Variants in BIRC6 observed in about 807,000 individuals in gnomAD.
BIRC6 encodes dual E2 ubiquitin-conjugating enzyme/E3 ubiquitin-protein ligase BIRC6.
In BIRC6, 98 loss-of-function variants were observed where a neutral mutation model predicts 503.3. That is an observed-to-expected ratio of 0.19 (90% CI 0.17 to 0.23). BIRC6 has a LOEUF of 0.23. Ranked by LOEUF, BIRC6 falls within the 10% of genes least tolerant of loss-of-function variation. The pLI is 1.00. For synonymous variants in BIRC6, 2,240 were observed against 2,078.7 expected (o/e 1.08, Z -2.11); for missense variants, 5,360 against 5,806.0 (o/e 0.92, Z 2.50).
chr2:32,596,263 C>T (rs553664662), intron 68 of BIRC6, among the ~76,000 whole-genome samples: 44 of 152,022 alleles, frequency 2.9e-4, no homozygotes, highest in African/African-American at 9.4e-4. Context: ...TGGGCGGTCA[C>T]GAGGTCGGGA....
At chr2:32,451,324 C>G (rs1043014856) in intron 22 of BIRC6, among the ~76,000 whole-genome samples, 3 of 152,046 alleles carry the variant, frequency 2.0e-5, no homozygotes, top group African/African-American at 7.3e-5. Context: ...CCCTGTGATT[C>G]TCAAAGTGTG....
At chr2:32,425,893 G>A (rs1314771310) in intron 10 of BIRC6, among the ~76,000 whole-genome samples, 2 of 152,242 alleles carry the variant, frequency 1.3e-5, no homozygotes, top group Non-Finnish European at 2.9e-5. Context: ...CCAGCCAGCT[G>A]CTTCCAGCAC....
At chr2:32,412,654 GTTA>G (rs1481288218) in intron 9 of BIRC6, among the ~76,000 whole-genome samples, 1 of 151,828 alleles carries the variant, frequency 6.6e-6, no homozygotes. Context: ...TTTCTTCCTA[GTTA>G]TTTTTTTTTT....
rs544288777 is a variant in BIRC6 at position 32,397,616 on chromosome 2, G to GTATATA, written c.1034+2031_1034+2036dup. Among the ~76,000 whole-genome samples, 450 of 137,568 alleles carry GTATATA rather than the reference G, an allele frequency of 3.3e-3. 2 individuals are homozygous for GTATATA. The highest frequency in any genetic ancestry group is 5.3e-3 in the Admixed American group (72 of 13,670). The allele number at this position is 137,568 out of a possible 152,430, so 90.2% of individuals were successfully genotyped here. On this transcript the variant is annotated intron_variant, in intron 6 of 73. Transcript: ENST00000421745. The stretch of plus-strand genomic sequence containing the variant: ...TGTGTGTGTGTGTGTATATATGTGT[G>GTATATA]TATATATATATATGTATATATATAC...
intron 61 of BIRC6, among the ~76,000 whole-genome samples, chr2:32,540,138 A>G (rs1364145614): frequency 6.6e-6 from 1 of 152,064 alleles, no homozygotes; most frequent in East Asian, 1.9e-4. Context: ...AATCAAACAT[A>G]CAGAATTTTT....
chr2:32,402,571 A>G (rs990295714), intron 8 of BIRC6, among the ~76,000 whole-genome samples: 3 of 152,332 alleles, frequency 2.0e-5, no homozygotes, highest in Admixed American at 6.5e-5. Context: ...AAAATTTACA[A>G]TATATGTGTT....
chr2:32,468,545 A>G lies in BIRC6; in HGVS notation c.5889A>G (p.Ala1963=), dbSNP rs2048798305. The G allele has an allele frequency of 6.2e-7, 1 of 1,613,906 alleles. No individual in the cohort carries two copies. Among genetic ancestry groups the G allele is most frequent in the Non-Finnish European group, 8.5e-7 (1 of 1,179,884 alleles). The change falls in exon 29 of 74, where the codon GCA becomes GCG. Residue 1963 remains alanine (A), a synonymous_variant. Coordinates refer to ENST00000421745, the MANE Select transcript of BIRC6 (RefSeq NM_016252.4). ...ACTTTTTACGAAAACCAGATAAGGC[A>G]GTTGAGGAAGACAGTAGGGTTTTTT... The part of the protein sequence containing the change: ...AQYFLRKPDK[A]VEEDSRVFSA...
chr2:32,375,186 G>A (rs1009589702), intron 1 of BIRC6, among the ~76,000 whole-genome samples: 4 of 152,066 alleles, frequency 2.6e-5, no homozygotes, highest in Admixed American at 6.6e-5. Context: ...TTATCTACAC[G>A]GGTAATCATT....
At chr2:32,611,945 G>A (rs1235035198) in intron 73 of BIRC6, among the ~76,000 whole-genome samples, 1 of 152,072 alleles carries the variant, frequency 6.6e-6, no homozygotes, top group East Asian at 1.9e-4. Context: ...GTGGCATCAT[G>A]ACTCTCTGTA....
rs560251664 is a variant in BIRC6, at chr2:32,480,621, C to CTTTTTTTTTT, written c.7409-671_7409-662dup. ...CATAACAGAAAAATAAGGTAAATGG[C>CTTTTTTTTTT]TTTTTTTTTTTTTTTTTTTTTTTTT... On this transcript the variant is annotated intron_variant, in intron 37 of 73. Transcript: ENST00000421745. Among the ~76,000 whole-genome samples the CTTTTTTTTTT allele has an allele frequency of 8.4e-4, 51 of 60,740 alleles. 11 individuals are homozygous for CTTTTTTTTTT. The highest frequency in any genetic ancestry group is 1.2e-3 in the East Asian group (1 of 816). The allele number at this position is 60,740 out of a possible 152,430, so 39.8% of individuals were successfully genotyped here. A position where few individuals can be genotyped will look rare whatever the true frequency, so the allele number is the denominator to read the frequency against.
chr2:32,475,885 T>C (rs1247397950), intron 33 of BIRC6, among the ~76,000 whole-genome samples: 1 of 152,010 alleles, frequency 6.6e-6, no homozygotes, highest in Non-Finnish European at 1.5e-5. Context: ...CAATAAAATA[T>C]TTTTCTCATT....
intron 26 of BIRC6, 40 bp downstream of exon 26, chr2:32,465,204 TGCTTAG>T (rs1558803431): frequency 9.9e-7 from 1 of 1,010,798 alleles, no homozygotes; most frequent in Non-Finnish European, 1.4e-6. Flanking sequence ...TTTTTTTTTT[TGCTTAG>T]TCTGCCGGCC....
In BIRC6 at chr2:32,513,002, G is replaced by C. The variant is rs755688797; in HGVS notation, c.10416G>C (p.Met3472Ile). Reference protein sequence around the residue: ...RVAAMKRSGRMNYMCPNSSTV... With the variant: ...RVAAMKRSGRINYMCPNSSTV... ...CTGCTATGAAGAGAAGTGGCAGGAT[G>C]AACTACATGTGTCCTAACTCCTCAA... The change falls in exon 54 of 74, where the codon ATG becomes ATC. Residue 3472 changes from methionine to isoleucine, a missense_variant. By Grantham distance (10) the Met-to-Ile change is conservative (BLOSUM62 1). Around this residue, in one of 16 missense-constraint regions of BIRC6, gnomAD observed 878 missense variants for 928.9 expected, o/e 0.95. Coordinates refer to ENST00000421745, the MANE Select transcript of BIRC6 (RefSeq NM_016252.4). The C allele has an allele frequency of 5.0e-6, 8 of 1,613,904 alleles. No individual in the cohort carries two copies. Among genetic ancestry groups the C allele is most frequent in the Non-Finnish European group, 6.8e-6 (8 of 1,179,852 alleles).
chr2:32,427,732 A>G (rs2043684266), intron 10 of BIRC6, among the ~76,000 whole-genome samples: 1 of 151,866 alleles, frequency 6.6e-6, no homozygotes, highest in African/African-American at 2.4e-5. Context: ...CCGAGAAGAC[A>G]TTTTCAGGTG....
intron 9 of BIRC6, among the ~76,000 whole-genome samples, chr2:32,409,781 G>A (rs1173634657): frequency 6.6e-6 from 1 of 152,168 alleles, no homozygotes; most frequent in Non-Finnish European, 1.5e-5. Flanking sequence ...ATTGTCTGAA[G>A]AATATTATGC....
At chr2:32,373,636 G>A (rs180731198) in intron 1 of BIRC6, among the ~76,000 whole-genome samples, 1 of 152,152 alleles carries the variant, frequency 6.6e-6, no homozygotes, top group African/African-American at 2.4e-5. Context: ...TGCACTGCTG[G>A]TGGGAATATA....
intron 65 of BIRC6, chr2:32,563,486 A>G (rs1224907887): frequency 6.6e-6 from 1 of 152,182 alleles, no homozygotes; most frequent in Non-Finnish European, 1.5e-5. Context: ...ATGTTTTCCT[A>G]TATTTGAAAA....
In BIRC6 at chr2:32,598,020, A is replaced by G. The variant is rs547690120; in HGVS notation, c.13830+52A>G. 1.2e-5 allele frequency: 17 copies of G among 1,414,906 alleles called. No individual in the cohort carries two copies. The East Asian group carries it at 2.6e-4, about 22-fold the overall frequency. 87.6% of individuals were successfully genotyped at this position (1,414,906 alleles called of 1,614,324 possible). A position where few individuals can be genotyped will look rare whatever the true frequency, so the allele number is the denominator to read the frequency against. The stretch of plus-strand genomic sequence containing the variant: ...CTCCCTTATCTCCTTGGCTCATCTA[A>G]TTACTCAAATTTTTATACAAAACTG... On this transcript the variant is annotated intron_variant, in intron 69 of 73. Coordinates refer to ENST00000421745, the MANE Select transcript of BIRC6 (RefSeq NM_016252.4).
In BIRC6 at chr2:32,575,682, G is replaced by A. The variant is rs948271271; in HGVS notation, c.13355+316G>A. The stretch of plus-strand genomic sequence containing the variant: ...CGGGAGGCTGAGGCAGGAGAATGGC[G>A]TGAACCCGGGAGGCAGAGGTTGCAG... On this transcript the variant is annotated intron_variant, in intron 66 of 73. Transcript: ENST00000421745. 4.0e-5 allele frequency among the ~76,000 whole-genome samples: 6 copies of A among 151,790 alleles called. No homozygotes were observed. The South Asian group carries it at 1.0e-3, about 26-fold the overall frequency.
Sources: gnomAD v4.1 joint callset for allele counts (sites outside exome capture counted in the v4.1 genomes callset) on GRCh38, gnomAD v4.1.1 for gene constraint, gnomAD v4.1.1 regional missense constraint, MANE v1.5 for transcripts, NCBI Gene and HGNC (gene_info 2026-07-23, HGNC 2026-07-21) for gene names.